NOL10: variants seen among roughly 807,000 people sequenced by gnomAD.
NOL10 encodes nucleolar protein 10.
In NOL10, 58 loss-of-function variants were observed where a neutral mutation model predicts 103.5. The ratio of observed to expected loss-of-function variants is 0.56; its 90% CI spans 0.45 to 0.70. The LOEUF (loss-of-function observed/expected upper bound fraction) is 0.70. Among genes scored for constraint, NOL10 ranks in the 30% least tolerant of loss-of-function variants. NOL10 has a pLI of 0.00. For synonymous variants in NOL10, 287 were observed against 282.5 expected, an observed-to-expected ratio of 1.02 and a Z score of -0.16; for missense variants, 763 against 807.3, an observed-to-expected ratio of 0.95 and a Z score of 0.67.
intron 9 of NOL10, among the ~76,000 whole-genome samples, chr2:10,662,228 C>T (rs765865838): frequency 6.7e-6 from 1 of 149,786 alleles, no homozygotes; most frequent in African/African-American, 2.4e-5. Flanking sequence ...GAACTTAGAC[C>T]CAGTACCTGG....
chr2:10,618,838 G>C (rs955541494), intron 13 of NOL10, among the ~76,000 whole-genome samples: 1 of 152,148 alleles, frequency 6.6e-6, no homozygotes, highest in Non-Finnish European at 1.5e-5. Flanking sequence ...AAACTTATCT[G>C]AAAAGACTAT....
At chr2:10,666,754 G>A (rs1437766341) in intron 8 of NOL10, among the ~76,000 whole-genome samples, 1 of 151,248 alleles carries the variant, frequency 6.6e-6, no homozygotes, top group Non-Finnish European at 1.5e-5. Flanking sequence ...TTTCAGTTTG[G>A]TAAACCACTT....
intron 13 of NOL10, among the ~76,000 whole-genome samples, chr2:10,636,603 TTCAA>T (rs1471801279): frequency 1.8e-5 from 2 of 112,968 alleles, no homozygotes; most frequent in Non-Finnish European, 3.5e-5. Flanking sequence ...GAGTGCGACC[TTCAA>T]TCAAAGAAAA....
intron 13 of NOL10, among the ~76,000 whole-genome samples, chr2:10,626,450 A>G (rs1677472086): frequency 1.3e-5 from 2 of 152,202 alleles, no homozygotes; most frequent in South Asian, 4.1e-4. Context: ...TTTCTGTATA[A>G]GGTGGGCCTT....
intron 3 of NOL10, 109 bp from the exon 4 acceptor site, chr2:10,675,980 C>A (rs144340569): frequency 1.9e-6 from 1 of 519,046 alleles, no homozygotes; most frequent in East Asian, 3.3e-5. Flanking sequence ...TTAATTGTAA[C>A]CAAATCAAAA....
intron 13 of NOL10, among the ~76,000 whole-genome samples, chr2:10,614,050 C>T (rs1456732456): frequency 6.6e-6 from 1 of 151,598 alleles, no homozygotes; most frequent in Admixed American, 6.6e-5. Context: ...ACCTCCGCCT[C>T]CCGGGTTCAA....
chr2:10,663,765 C>T (rs1450617722), intron 8 of NOL10, among the ~76,000 whole-genome samples: 2 of 151,756 alleles, frequency 1.3e-5, no homozygotes, highest in Non-Finnish European at 2.9e-5. Flanking sequence ...CTGGCTAACA[C>T]AGTGAAACCC....
chr2:10,596,687 CATGGCCT>C (rs1675711388), intron 17 of NOL10, among the ~76,000 whole-genome samples: 1 of 152,172 alleles, frequency 6.6e-6, no homozygotes, highest in Admixed American at 6.5e-5. Context: ...AGACCAGTAC[CATGGCCT>C]AGGGGTTGGA....
chr2:10,618,855 A>T (rs1676978145), intron 13 of NOL10, among the ~76,000 whole-genome samples: 1 of 152,156 alleles, frequency 6.6e-6, no homozygotes, highest in African/African-American at 2.4e-5. Context: ...CTATGCCTAC[A>T]CTCTGCTATT....
At chr2:10,638,555 GAT>G (rs1678472231) in intron 13 of NOL10, among the ~76,000 whole-genome samples, 1 of 125,648 alleles carries the variant, frequency 8.0e-6, no homozygotes, top group African/African-American at 3.1e-5. Flanking sequence ...GCAATGGCAT[GAT>G]TTCAGCTCAC....
intron 17 of NOL10, among the ~76,000 whole-genome samples, chr2:10,600,341 C>A (rs999327542): frequency 6.6e-6 from 1 of 152,168 alleles, no homozygotes; most frequent in Non-Finnish European, 1.5e-5. Flanking sequence ...TACACTTCAG[C>A]CTGCATACTC....
chr2:10,600,775 TA>T (rs1386232191), intron 17 of NOL10, 77 bp downstream of exon 17: 2 of 970,610 alleles, frequency 2.1e-6, no homozygotes, highest in African/African-American at 1.7e-5. Flanking sequence ...ATTTTTAAAG[TA>T]AAAAGAAACA....
chr2:10,587,080 T>TATATATATACATATATATACAC (rs1675084470), intron 19 of NOL10, among the ~76,000 whole-genome samples: 1 of 46,158 alleles, frequency 2.2e-5, no homozygotes, highest in African/African-American at 8.4e-5. Context: ...TATATATACA[T>TATATATATACATATATATACAC]ATATATACAT....
At chr2:10,684,477 TA>T in intron 2 of NOL10, 89 bp downstream of exon 2, 1 of 1,042,970 alleles carries the variant, frequency 9.6e-7, no homozygotes, top group Non-Finnish European at 1.4e-6. Context: ...CGCATTCTTA[TA>T]AATCCTCACT....
intron 20 of NOL10, 132 bp downstream of exon 20, chr2:10,577,504 T>A: frequency 1.5e-6 from 1 of 665,990 alleles, no homozygotes; most frequent in South Asian, 2.1e-5. Flanking sequence ...AGGAAAATGT[T>A]AGAACAGGGA....
In NOL10 at chr2:10,673,575, G is replaced by C. The variant is rs761539229; in HGVS notation, c.290-18C>G. 10 of 1,526,332 alleles carry C rather than the reference G, an allele frequency of 6.6e-6. No individual in the cohort carries two copies. Among genetic ancestry groups the C allele is most frequent in the Non-Finnish European group, 9.0e-6 (10 of 1,112,128 alleles). 94.5% of individuals were successfully genotyped at this position (1,526,332 alleles called of 1,614,324 possible). On this transcript the variant is annotated intron_variant, in intron 4 of 20. Coordinates refer to ENST00000381685, the MANE Select transcript of NOL10 (RefSeq NM_024894.4). ...GGTGACAACTGAAAAACAAGAAATA[G>C]GAAAAATACAATTATCAAACAATAT...
intron 20 of NOL10, 22 bp from the exon 21 acceptor site, chr2:10,572,212 G>A (rs1348255658): frequency 1.2e-6 from 2 of 1,613,172 alleles, no homozygotes; most frequent in Non-Finnish European, 1.7e-6. Flanking sequence ...AATGAAATGA[G>A]TAGAGGGAAA....
chr2:10,590,085 T>C (rs939693572), intron 17 of NOL10, among the ~76,000 whole-genome samples: 2 of 152,146 alleles, frequency 1.3e-5, no homozygotes, highest in Non-Finnish European at 2.9e-5. Context: ...AAAAACACCT[T>C]TCAAGAAGAT....
At chr2:10,597,417 T>C (rs1192370557) in intron 17 of NOL10, among the ~76,000 whole-genome samples, 1 of 152,254 alleles carries the variant, frequency 6.6e-6, no homozygotes, top group Admixed American at 6.5e-5. Flanking sequence ...GCTAGTAAAG[T>C]TCTCAAGCTT....
Sources: allele counts gnomAD v4.1 joint callset (sites outside exome capture counted in the v4.1 genomes callset), GRCh38; gene constraint gnomAD v4.1.1; transcripts MANE v1.5; gene names NCBI Gene and HGNC (gene_info 2026-07-23, HGNC 2026-07-21).